Variants in PPP2R5E observed in about 807,000 individuals in gnomAD.
PPP2R5E encodes serine/threonine-protein phosphatase 2A 56 kDa regulatory subunit epsilon isoform.
Under a neutral mutation model 65.3 loss-of-function variants are expected in PPP2R5E, and 4 were observed. The observed-to-expected ratio is 0.06, with a 90% CI of 0.03 to 0.14. PPP2R5E has a LOEUF of 0.14. Among genes scored for constraint, PPP2R5E ranks in the 10% least tolerant of loss-of-function variants. The pLI is 1.00. For synonymous variants in PPP2R5E, 183 were observed against 187.4 expected (o/e 0.98, Z 0.19); for missense variants, 274 against 556.1 (o/e 0.49, Z 5.10).
chr14:63,501,399 C>T (rs1225199638), intron 2 of PPP2R5E, among the ~76,000 whole-genome samples: 7 of 138,818 alleles, frequency 5.0e-5, no homozygotes, highest in African/African-American at 2.0e-4. Flanking sequence ...AGCAAGACTC[C>T]GTCTCAAAAA....
chr14:63,459,440 C>T (rs1012083412), intron 2 of PPP2R5E, among the ~76,000 whole-genome samples: 2 of 152,170 alleles, frequency 1.3e-5, no homozygotes, highest in African/African-American at 4.8e-5. Context: ...GAGGAGACAA[C>T]TATAAGCCTT....
chr14:63,422,123 G>T, intron 3 of PPP2R5E, 29 bp from the exon 4 acceptor site: 1 of 1,559,582 alleles, frequency 6.4e-7, no homozygotes, highest in Non-Finnish European at 8.8e-7. Flanking sequence ...CAGAGTTAAC[G>T]GGAAGCACCT....
intron 2 of PPP2R5E, among the ~76,000 whole-genome samples, chr14:63,493,188 C>T (rs117535173): frequency 0.012 from 1,761 of 151,630 alleles, 28 homozygotes; most frequent in Middle Eastern, 0.017. Flanking sequence ...GCCCAGATAA[C>T]TCTTTTTTGG....
At chr14:63,430,581 T>C (rs1376209594) in intron 3 of PPP2R5E, among the ~76,000 whole-genome samples, 1 of 152,188 alleles carries the variant, frequency 6.6e-6, no homozygotes, top group Non-Finnish European at 1.5e-5. Context: ...CTCTCAAATC[T>C]GACATTTTTA....
chr14:63,527,720 G>A (rs1037948501), intron 2 of PPP2R5E, among the ~76,000 whole-genome samples: 5 of 152,186 alleles, frequency 3.3e-5, no homozygotes, highest in African/African-American at 7.2e-5. Context: ...CGAATCACAC[G>A]GTCAGGAGTT....
chr14:63,417,984 T>C (rs186868857), intron 4 of PPP2R5E, among the ~76,000 whole-genome samples: 4 of 152,316 alleles, frequency 2.6e-5, no homozygotes, highest in Admixed American at 2.0e-4. Flanking sequence ...CACGTCAGAC[T>C]CTAATTTAAG....
chr14:63,530,890 T>C (rs1288185787), intron 2 of PPP2R5E, among the ~76,000 whole-genome samples: 1 of 152,160 alleles, frequency 6.6e-6, no homozygotes, highest in Non-Finnish European at 1.5e-5. Context: ...GTGCTGGGAT[T>C]ACAGGTGTGA....
chr14:63,392,173 A>T, intron 8 of PPP2R5E, 148 bp from the exon 9 acceptor site: 1 of 577,440 alleles, frequency 1.7e-6, no homozygotes, highest in Non-Finnish European at 2.8e-6. Context: ...AAATCTATAT[A>T]AAGTAAAATA....
chr14:63,530,206 C>CT (rs1360417094), intron 2 of PPP2R5E, among the ~76,000 whole-genome samples: 1 of 150,160 alleles, frequency 6.7e-6, no homozygotes, highest in East Asian at 1.9e-4. Context: ...TCCACGAACC[C>CT]TAAGTTAAGA....
At position 63,480,747 on chromosome 14, in the gene PPP2R5E, G is replaced by T. The variant is rs541571956; in HGVS notation, c.158-26862C>A. On this transcript the variant is annotated intron_variant, in intron 2 of 13. Transcript: ENST00000337537. ...AGGCATGAGCCACTGTGCCTGGCCA[G>T]ACTCCATTTTTTTATGTATTTCATC... Among the ~76,000 whole-genome samples, 3 of 152,248 alleles carry T rather than the reference G, an allele frequency of 2.0e-5. No homozygotes were observed. The South Asian group carries it at 6.2e-4, about 32-fold the overall frequency.
rs117610348 is a variant in PPP2R5E at position 63,447,672 on chromosome 14, T to A, written c.354+6017A>T. On this transcript the variant is annotated intron_variant, in intron 3 of 13. Transcript: ENST00000337537. ...TTCCTTCAAGAACTTTACCTTTAAA[T>A]TCACAACTTGTCTAATTGTCTGATG... is the stretch of plus-strand genomic sequence containing the variant. Among the ~76,000 whole-genome samples the A allele has an allele frequency of 3.9e-4, 60 of 152,390 alleles. No individual in the cohort carries two copies. The East Asian group carries it at 0.012, about 29-fold the overall frequency.
In PPP2R5E at chr14:63,393,130, A is replaced by C. The variant is rs143155906; in HGVS notation, c.849+690T>G. Among the ~76,000 whole-genome samples the C allele has an allele frequency of 4.4e-3, 670 of 152,352 alleles. 9 individuals carry two copies. The highest frequency in any genetic ancestry group is 0.02 in the Middle Eastern group (6 of 294). The stretch of plus-strand genomic sequence containing the variant: ...AAAAGGGCAACTGATAGACTAACGC[A>C]AAGTAGGATGGAACAAAATATTCAA... On this transcript the variant is annotated intron_variant, in intron 8 of 13. Transcript: ENST00000337537.
intron 2 of PPP2R5E, among the ~76,000 whole-genome samples, chr14:63,522,031 T>C (rs1340550246): frequency 7.4e-6 from 1 of 135,304 alleles, no homozygotes; most frequent in African/African-American, 2.7e-5. Context: ...CTCGGCTCAC[T>C]GCAACCTCCC....
chr14:63,460,245 T>G (rs1889377594), intron 2 of PPP2R5E, among the ~76,000 whole-genome samples: 1 of 152,170 alleles, frequency 6.6e-6, no homozygotes. Flanking sequence ...ACTATTAATA[T>G]CCCAGTTTTT....
intron 2 of PPP2R5E, among the ~76,000 whole-genome samples, chr14:63,512,082 A>AT (rs1389439848): frequency 4.0e-5 from 5 of 123,492 alleles, no homozygotes; most frequent in African/African-American, 1.7e-4. Context: ...CTGCGGTAAA[A>AT]AAAAAAAAAA....
At chr14:63,533,090 CT>C (rs1358374508) in intron 2 of PPP2R5E, among the ~76,000 whole-genome samples, 2 of 152,142 alleles carry the variant, frequency 1.3e-5, no homozygotes, top group African/African-American at 4.8e-5. Flanking sequence ...CCACCTCGAC[CT>C]GCCAAAGTGC....
In PPP2R5E at chr14:63,372,008, C is replaced by T. The variant is rs1345890684; in HGVS notation, c.*4001G>A. On this transcript the variant is annotated 3_prime_UTR_variant, in exon 14 of 14. Coordinates refer to ENST00000337537, the MANE Select transcript of PPP2R5E (RefSeq NM_006246.5). ...TTGATACATGAGGTTTGGATTACAA[C>T]TTATTTACAATAAGTGATTTCAAAA... The T allele has an allele frequency of 6.7e-6, 1 of 148,516 alleles. No homozygotes were observed. Among genetic ancestry groups the T allele is most frequent in the Non-Finnish European group, 1.5e-5 (1 of 67,560 alleles). 9.2% of individuals were successfully genotyped at this position (148,516 alleles called of 1,614,324 possible).
At chr14:63,421,389 A>C (rs1049343185) in intron 4 of PPP2R5E, among the ~76,000 whole-genome samples, 5 of 152,196 alleles carry the variant, frequency 3.3e-5, no homozygotes, top group African/African-American at 1.2e-4. Context: ...CTAATGCTGG[A>C]AACAGAGATG....
intron 3 of PPP2R5E, among the ~76,000 whole-genome samples, chr14:63,447,966 TG>T (rs1353898493): frequency 6.6e-6 from 1 of 152,228 alleles, no homozygotes; most frequent in East Asian, 1.9e-4. Context: ...TTAAGTTTGC[TG>T]TAGGGGCACA....
Sources: gnomAD v4.1 joint callset for allele counts (sites outside exome capture counted in the v4.1 genomes callset) on GRCh38, gnomAD v4.1.1 for gene constraint, MANE v1.5 for transcripts, NCBI Gene and HGNC (gene_info 2026-07-23, HGNC 2026-07-21) for gene names.